Variants in SLC25A48 observed in about 807,000 individuals in gnomAD.
The protein encoded by SLC25A48 is solute carrier family 25 member 48.
SLC25A48 carries 29 observed loss-of-function variants against 32.2 expected under a neutral mutation model. That is an observed-to-expected ratio of 0.90 (90% CI 0.67 to 1.23). The LOEUF is 1.23. Ranked by LOEUF, SLC25A48 falls within the 50% of genes most tolerant of loss-of-function variation. The pLI, the probability that SLC25A48 is intolerant of heterozygous loss-of-function variation, is 0.00. For synonymous variants in SLC25A48, 164 were observed against 172.3 expected, an observed-to-expected ratio of 0.95 and a Z score of 0.38; for missense variants, 399 against 422.7, an observed-to-expected ratio of 0.94 and a Z score of 0.49.
At chr5:135,583,916 G>A (rs1751294114) in intron 1 of SLC25A48, among the ~76,000 whole-genome samples, 1 of 152,216 alleles carries the variant, frequency 6.6e-6, no homozygotes, top group Admixed American at 6.5e-5. Flanking sequence ...AGCCCTGCAT[G>A]CTGACCCCTT....
chr5:135,855,634 A>G (rs767386981), intron 4 of SLC25A48, among the ~76,000 whole-genome samples: 8 of 152,216 alleles, frequency 5.3e-5, no homozygotes, highest in Non-Finnish European at 1.0e-4. Flanking sequence ...CCCTTGTTCA[A>G]AAATTATGCC....
chr5:135,780,439 G>A (rs4368724), intron 3 of SLC25A48, among the ~76,000 whole-genome samples: 59,018 of 114,600 alleles, frequency 0.51, 22,566 homozygotes, highest in Middle Eastern at 0.68. Flanking sequence ...TGTCAGTATC[G>A]TAGGGGGTGT....
intron 3 of SLC25A48, among the ~76,000 whole-genome samples, chr5:135,657,329 G>A (rs1753276564): frequency 6.6e-6 from 1 of 152,210 alleles, no homozygotes; most frequent in Non-Finnish European, 1.5e-5. Flanking sequence ...CCCTGGTTTG[G>A]TGAAAGATGT....
At chr5:135,777,783 C>CT (rs1359780264) in intron 3 of SLC25A48, among the ~76,000 whole-genome samples, 11 of 56,382 alleles carry the variant, frequency 2.0e-4, no homozygotes, top group African/African-American at 3.9e-4. Context: ...TTCCTAATAT[C>CT]CGGGGGGGGG....
In SLC25A48 at chr5:135,674,991, C is replaced by G. The variant is rs1238743019; in HGVS notation, c.-521+40035C>G. ...TCCCACAAACAGTGTATAAGAGTCC[C>G]TTTTCCCTGCATCCTCGCCAGCATC... is the stretch of plus-strand genomic sequence containing the variant. On this transcript the variant is annotated intron_variant, in intron 3 of 10. Transcript: ENST00000646290. Among the ~76,000 whole-genome samples the G allele has an allele frequency of 2.0e-5, 3 of 151,924 alleles. No individual in the cohort carries two copies. The East Asian group carries it at 5.8e-4, about 29-fold the overall frequency.
chr5:135,650,407 G>GCTT (rs1389160311), intron 3 of SLC25A48: 8 of 456,028 alleles, frequency 1.8e-5, no homozygotes, highest in Non-Finnish European at 3.5e-5. Context: ...TGAGGATGAT[G>GCTT]CTTCCTTCAC....
intron 4 of SLC25A48, among the ~76,000 whole-genome samples, chr5:135,859,156 C>G (rs1187804822): frequency 6.6e-6 from 1 of 152,104 alleles, no homozygotes; most frequent in African/African-American, 2.4e-5. Flanking sequence ...TCTCTTGCCA[C>G]TAATAAAGAC....
intron 3 of SLC25A48, among the ~76,000 whole-genome samples, chr5:135,670,407 T>A (rs1463786443): frequency 6.6e-6 from 1 of 152,198 alleles, no homozygotes; most frequent in Non-Finnish European, 1.5e-5. Flanking sequence ...GTTCTAGGGC[T>A]CCCTGCTGTA....
chr5:135,758,406 TATG>T (rs1243249669), intron 3 of SLC25A48, among the ~76,000 whole-genome samples: 1 of 150,876 alleles, frequency 6.6e-6, no homozygotes, highest in Non-Finnish European at 1.5e-5. Context: ...GAATATTATC[TATG>T]ATATCTATCA....
At chr5:135,816,844 C>A (rs1757732055) in intron 4 of SLC25A48, among the ~76,000 whole-genome samples, 1 of 152,282 alleles carries the variant, frequency 6.6e-6, no homozygotes, top group South Asian at 2.1e-4. Flanking sequence ...ATTACCTCAG[C>A]TTTCAACCTG....
At chr5:135,747,391 T>C (rs1302838521) in intron 3 of SLC25A48, among the ~76,000 whole-genome samples, 1 of 151,994 alleles carries the variant, frequency 6.6e-6, no homozygotes, top group Non-Finnish European at 1.5e-5. Context: ...ATTATTATGC[T>C]TTCTGGTCAA....
chr5:135,727,925 TG>T (rs372239028), intron 3 of SLC25A48, among the ~76,000 whole-genome samples: 1 of 152,174 alleles, frequency 6.6e-6, no homozygotes, highest in African/African-American at 2.4e-5. Context: ...AATAATTTGC[TG>T]GGATTTTGAT....
upstream of SLC25A48, among the ~76,000 whole-genome samples, chr5:135,831,630 G>T (rs910930682): frequency 6.6e-6 from 1 of 152,322 alleles, no homozygotes; most frequent in African/African-American, 2.4e-5. Flanking sequence ...GAGGGAGAGG[G>T]TGTTCCCCAC....
chr5:135,798,406 G>A (rs1030021980), intron 3 of SLC25A48, among the ~76,000 whole-genome samples: 3 of 151,522 alleles, frequency 2.0e-5, no homozygotes, highest in Non-Finnish European at 2.9e-5. Context: ...CAACCCTCTT[G>A]TGATATTGTT....
chr5:135,741,247 C>T (rs1755496055), intron 3 of SLC25A48, among the ~76,000 whole-genome samples: 1 of 152,092 alleles, frequency 6.6e-6, no homozygotes, highest in African/African-American at 2.4e-5. Flanking sequence ...CCCACAACCC[C>T]TTTTATTAAA....
At chr5:135,599,196 C>A (rs1226846183) in intron 1 of SLC25A48, among the ~76,000 whole-genome samples, 4 of 152,158 alleles carry the variant, frequency 2.6e-5, no homozygotes, top group African/African-American at 9.7e-5. Flanking sequence ...AAGTCTTCAT[C>A]ACACTCTTGG....
At chr5:135,841,706 T>G (rs1266695864) in intron 1 of SLC25A48, among the ~76,000 whole-genome samples, 24 of 145,466 alleles carry the variant, frequency 1.6e-4, no homozygotes, top group Admixed American at 1.6e-3. Context: ...AGGAGATGTG[T>G]GGGTGGGGGG....
intron 3 of SLC25A48, among the ~76,000 whole-genome samples, chr5:135,656,766 G>T (rs890127027): frequency 6.6e-6 from 1 of 152,092 alleles, no homozygotes; most frequent in South Asian, 2.1e-4. Context: ...AGGCAGAGAT[G>T]GGAGGTATCC....
At chr5:135,748,717 G>A (rs1755698755) in intron 3 of SLC25A48, among the ~76,000 whole-genome samples, 1 of 143,102 alleles carries the variant, frequency 7.0e-6, no homozygotes, top group Non-Finnish European at 1.5e-5. Flanking sequence ...GCTTGAGACA[G>A]GTAAATTTTT....
Sources: allele counts gnomAD v4.1 joint callset (sites outside exome capture counted in the v4.1 genomes callset), GRCh38; gene constraint gnomAD v4.1.1; transcripts MANE v1.5; gene names NCBI Gene and HGNC (gene_info 2026-07-23, HGNC 2026-07-21).